The following WWOX variants were observed in gnomAD, a reference collection of about 807,000 sequenced individuals.
WWOX encodes WW domain containing oxidoreductase.
A neutral mutation model predicts 46.2 loss-of-function variants in WWOX; 69 were observed. The observed-to-expected ratio is 1.49, with a 90% CI of 1.23 to 1.82. The LOEUF is 1.82. WWOX is among the 40% of genes most tolerant of loss of function. The probability of loss-of-function intolerance (pLI) is 0.00; values close to 1 mark genes in which losing one functional copy is unlikely to be tolerated. For missense variants in WWOX, 919 were observed against 542.6 expected (o/e 1.69, Z -6.89); for synonymous variants, 359 against 202.6 (o/e 1.77, Z -6.56).
At chr16:79,000,133 T>G (rs1010327829) in intron 8 of WWOX, among the ~76,000 whole-genome samples, 7 of 152,188 alleles carry the variant, frequency 4.6e-5, no homozygotes, top group African/African-American at 1.7e-4. Flanking sequence ...GCTGCTCCTT[T>G]GTCCAGACAC....
chr16:79,166,298 C>A (rs2050593153), intron 8 of WWOX, among the ~76,000 whole-genome samples: 1 of 152,200 alleles, frequency 6.6e-6, no homozygotes, highest in African/African-American at 2.4e-5. Context: ...CAGGGCTTTT[C>A]CAGGCCTTAA....
intron 8 of WWOX, chr16:78,872,951 C>G (rs1422233666): frequency 6.6e-6 from 1 of 152,242 alleles, no homozygotes; most frequent in Non-Finnish European, 1.5e-5. Context: ...GTATATTTCA[C>G]CATGCCTGGC....
chr16:78,622,317 C>A (rs1002627974), intron 8 of WWOX, among the ~76,000 whole-genome samples: 2 of 152,008 alleles, frequency 1.3e-5, no homozygotes, highest in Non-Finnish European at 2.9e-5. Context: ...CCGAGGCAGG[C>A]AGATCACCTG....
At chr16:79,040,726 C>T (rs940708064) in intron 8 of WWOX, among the ~76,000 whole-genome samples, 5 of 152,152 alleles carry the variant, frequency 3.3e-5, no homozygotes, top group African/African-American at 1.2e-4. Context: ...ATAACTAGAA[C>T]CACAGAGATC....
chr16:79,130,207 G>C (rs953943583), intron 8 of WWOX, among the ~76,000 whole-genome samples: 3 of 152,176 alleles, frequency 2.0e-5, no homozygotes, highest in Admixed American at 6.5e-5. Context: ...TCCTGAACCT[G>C]TGCTCTTGTC....
chr16:78,283,662 C>T lies in WWOX; in HGVS notation c.517-103198C>T, dbSNP rs143852206. 1.4e-3 allele frequency among the ~76,000 whole-genome samples: 207 copies of T among 150,894 alleles called. 1 individual carries two copies. Among genetic ancestry groups the T allele is most frequent in the African/African-American group, 3.4e-3 (141 of 41,022 alleles). Reference sequence around the variant, plus strand: ...CCTTTAGAAAACGTATTTACATGGACGTTTTTGAAGCACTTCTTAAGACAT... The same window carrying T: ...CCTTTAGAAAACGTATTTACATGGATGTTTTTGAAGCACTTCTTAAGACAT... On this transcript the variant is annotated intron_variant, in intron 5 of 8. Coordinates refer to ENST00000566780, the MANE Select transcript of WWOX (RefSeq NM_016373.4).
At chr16:78,411,937 G>A (rs370480445) in intron 6 of WWOX, among the ~76,000 whole-genome samples, 3 of 152,202 alleles carry the variant, frequency 2.0e-5, no homozygotes, top group Non-Finnish European at 4.4e-5. Context: ...ATCTGTTTCC[G>A]CCCGATTCCA....
At chr16:78,926,886 T>G (rs1026310329) in intron 8 of WWOX, among the ~76,000 whole-genome samples, 1 of 152,106 alleles carries the variant, frequency 6.6e-6, no homozygotes, top group East Asian at 1.9e-4. Flanking sequence ...AGCCTCTACT[T>G]CCTGGGCTCA....
In WWOX at chr16:78,444,006, A is replaced by G. The variant is rs376337181; in HGVS notation, c.1056+11254A>G. Among the ~76,000 whole-genome samples, 10 of 152,288 alleles carry G rather than the reference A, an allele frequency of 6.6e-5. No individual in the cohort carries two copies. In the South Asian group the frequency reaches 2.1e-3, roughly 32 times the overall value. ...GTGAACAGTGATTTTTGTATAACTC[A>G]CTGGACATGTTGATTTTTCCCTGTG... On this transcript the variant is annotated intron_variant, in intron 8 of 8. Transcript: ENST00000566780.
chr16:78,249,890 T>A (rs1374706871), intron 5 of WWOX, among the ~76,000 whole-genome samples: 1 of 151,420 alleles, frequency 6.6e-6, no homozygotes. Context: ...GAAGGAGAAA[T>A]GGGAGGAAAG....
chr16:78,233,672 G>A lies in WWOX; in HGVS notation c.516+69383G>A, dbSNP rs894157800. Among the ~76,000 whole-genome samples the A allele has an allele frequency of 1.1e-4, 17 of 151,778 alleles. No individual in the cohort carries two copies. In the East Asian group the frequency reaches 1.2e-3, roughly 10 times the overall value. On this transcript the variant is annotated intron_variant, in intron 5 of 8. Coordinates refer to ENST00000566780, the MANE Select transcript of WWOX (RefSeq NM_016373.4). ...CTCCCGAGTAGCTGGGACTACAGGC[G>A]CCTGCCACTACACCTGGCTAATTTT...
intron 8 of WWOX, among the ~76,000 whole-genome samples, chr16:78,863,253 C>T (rs376701194): frequency 3.3e-5 from 5 of 152,282 alleles, no homozygotes; most frequent in East Asian, 3.9e-4. Flanking sequence ...CCACCACTCC[C>T]AGCCAGCCAA....
chr16:78,984,002 C>T (rs574100721), intron 8 of WWOX, among the ~76,000 whole-genome samples: 15 of 151,350 alleles, frequency 9.9e-5, no homozygotes, highest in African/African-American at 2.2e-4. Context: ...CTCAGCCTCC[C>T]GAGTAGCTGG....
intron 8 of WWOX, among the ~76,000 whole-genome samples, chr16:78,442,135 T>C (rs2083458372): frequency 6.6e-6 from 1 of 151,696 alleles, no homozygotes; most frequent in Non-Finnish European, 1.5e-5. Context: ...AGACCCTATC[T>C]CTAAAGGAAA....
intron 8 of WWOX, among the ~76,000 whole-genome samples, chr16:79,043,643 A>G (rs2250443): frequency 0.21 from 32,069 of 152,172 alleles, 3,391 homozygotes; most frequent in African/African-American, 0.25. Flanking sequence ...TAAGTAAGTA[A>G]TTTGAGACAT....
At chr16:79,114,929 G>T (rs1161843738) in intron 8 of WWOX, among the ~76,000 whole-genome samples, 1 of 152,210 alleles carries the variant, frequency 6.6e-6, no homozygotes, top group African/African-American at 2.4e-5. Flanking sequence ...AGCCGGGGCT[G>T]CAGACTAAAT....
At chr16:78,549,933 GA>G (rs1382901581) in intron 8 of WWOX, among the ~76,000 whole-genome samples, 2 of 151,608 alleles carry the variant, frequency 1.3e-5, no homozygotes, top group African/African-American at 4.8e-5. Context: ...AAAAAAGAAA[GA>G]AAAAAAAGAA....
chr16:78,351,817 C>G (rs996890035), intron 5 of WWOX, among the ~76,000 whole-genome samples: 2 of 152,136 alleles, frequency 1.3e-5, no homozygotes, highest in African/African-American at 4.8e-5. Flanking sequence ...TCACCAGGCC[C>G]AGCTAATTTT....
At chr16:78,820,252 A>T (rs975931731) in intron 8 of WWOX, among the ~76,000 whole-genome samples, 1 of 152,188 alleles carries the variant, frequency 6.6e-6, no homozygotes, top group Non-Finnish European at 1.5e-5. Context: ...TTTGATGCCA[A>T]AGAGCCAAAT....
Sources: allele counts gnomAD v4.1 joint callset (sites outside exome capture counted in the v4.1 genomes callset), GRCh38; gene constraint gnomAD v4.1.1; transcripts MANE v1.5; gene names NCBI Gene and HGNC (gene_info 2026-07-23, HGNC 2026-07-21).